The following DSCAML1 variants were observed in gnomAD, a reference collection of about 807,000 sequenced individuals.
The protein encoded by DSCAML1 is cell adhesion molecule DSCAML1.
A neutral mutation model predicts 200.5 loss-of-function variants in DSCAML1; 38 were observed. The ratio of observed to expected loss-of-function variants is 0.19; its 90% confidence interval spans 0.15 to 0.25. DSCAML1 has a LOEUF of 0.25. Ranked by LOEUF, DSCAML1 falls within the 10% of genes least tolerant of loss-of-function variation. DSCAML1 has a pLI of 1.00. For synonymous variants in DSCAML1, 1,215 were observed against 1,165.0 expected (o/e 1.04, Z -0.87); for missense variants, 2,223 against 2,858.8 (o/e 0.78, Z 5.07).
intron 3 of DSCAML1, among the ~76,000 whole-genome samples, chr11:117,746,739 G>T (rs60433629): frequency 1.2e-3 from 177 of 152,258 alleles, no homozygotes; most frequent in African/African-American, 4.0e-3. Flanking sequence ...AACACACAGG[G>T]CTCTGTTACT....
intron 11 of DSCAML1, among the ~76,000 whole-genome samples, chr11:117,501,635 T>A (rs1349466292): frequency 1.3e-5 from 2 of 150,752 alleles, no homozygotes; most frequent in African/African-American, 4.9e-5. Flanking sequence ...ACAGGAGGGG[T>A]GTGAGAAACG....
intron 3 of DSCAML1, among the ~76,000 whole-genome samples, chr11:117,638,601 G>A (rs1356591680): frequency 1.3e-5 from 2 of 152,016 alleles, no homozygotes; most frequent in Non-Finnish European, 1.5e-5. Context: ...TACCAATTCT[G>A]GATACTTTAT....
intron 3 of DSCAML1, among the ~76,000 whole-genome samples, chr11:117,729,993 G>A (rs2054193585): frequency 6.6e-6 from 1 of 152,238 alleles, no homozygotes; most frequent in Non-Finnish European, 1.5e-5. Context: ...GAGGTCAAGA[G>A]ATTGAGACCA....
chr11:117,444,056 A>G lies in DSCAML1; in HGVS notation c.3709-17T>C. On this transcript the variant is annotated splice_polypyrimidine_tract_variant and intron_variant, in intron 20 of 32. Transcript: ENST00000651296. ...GCTGGGAGCCTGCGGGGCAGAGGCAAAGAGGCTCTAAGAAGCAGAACTGGG... is the reference window on the plus strand; with the variant it reads ...GCTGGGAGCCTGCGGGGCAGAGGCAGAGAGGCTCTAAGAAGCAGAACTGGG... 6 of 1,594,294 alleles carry G rather than the reference A, an allele frequency of 3.8e-6. No homozygotes were observed. The highest frequency in any genetic ancestry group is 4.3e-6 in the Non-Finnish European group (5 of 1,166,348).
chr11:117,741,312 T>C (rs1337565541), intron 3 of DSCAML1, among the ~76,000 whole-genome samples: 3 of 152,250 alleles, frequency 2.0e-5, no homozygotes, highest in African/African-American at 4.8e-5. Flanking sequence ...TCCCACTTCA[T>C]TCTCCACATT....
intron 14 of DSCAML1, among the ~76,000 whole-genome samples, chr11:117,478,447 C>T (rs1458889639): frequency 6.6e-6 from 1 of 152,252 alleles, no homozygotes; most frequent in East Asian, 1.9e-4. Flanking sequence ...CCCTTTTGTC[C>T]CCTTTGCCTC....
intron 3 of DSCAML1, among the ~76,000 whole-genome samples, chr11:117,650,835 T>G (rs2052618515): frequency 1.3e-5 from 2 of 152,072 alleles, no homozygotes; most frequent in South Asian, 4.1e-4. Context: ...TGAGATCTGG[T>G]GCTGAGCCCA....
In DSCAML1 at chr11:117,505,883, G is replaced by T; in HGVS notation, c.1784-151C>A. ...AGCCTTGTTCTCCTATGCATGCAGG[G>T]TCTCCTAATGATGCCTGGCTCCTGT... On this transcript the variant is annotated intron_variant, in intron 8 of 32. Transcript: ENST00000651296. The surrounding 1 kb of genome is among the most constrained non-coding windows in gnomAD (Gnocchi z 6.7). The T allele has an allele frequency of 6.4e-6, 6 of 942,300 alleles. No individual in the cohort carries two copies. Among genetic ancestry groups the T allele is most frequent in the Middle Eastern group, 3.3e-4 (1 of 3,076 alleles). The allele number at this position is 942,300 out of a possible 1,614,324, so 58.4% of individuals were successfully genotyped here. A position where few individuals can be genotyped will look rare whatever the true frequency, so the allele number is the denominator to read the frequency against.
chr11:117,812,604 C>T (rs551462428), intron 1 of DSCAML1, among the ~76,000 whole-genome samples: 55 of 152,108 alleles, frequency 3.6e-4, no homozygotes, highest in African/African-American at 1.2e-3. Context: ...CCATCAGGCT[C>T]AGCAAATTAC....
intron 18 of DSCAML1, among the ~76,000 whole-genome samples, chr11:117,460,720 T>C (rs925604991): frequency 1.3e-5 from 2 of 152,116 alleles, no homozygotes; most frequent in African/African-American, 4.8e-5. Flanking sequence ...GTTTGGGCCA[T>C]CTTACTGGTT....
intron 3 of DSCAML1, among the ~76,000 whole-genome samples, chr11:117,763,820 G>A (rs1172778224): frequency 2.0e-5 from 3 of 152,072 alleles, no homozygotes; most frequent in African/African-American, 7.2e-5. Context: ...CTCCCCAGGG[G>A]ACTCTAAATT....
At chr11:117,559,083 T>A (rs1046125681) in intron 3 of DSCAML1, among the ~76,000 whole-genome samples, 1 of 151,880 alleles carries the variant, frequency 6.6e-6, no homozygotes, top group African/African-American at 2.4e-5. Flanking sequence ...ACAGACGTGG[T>A]GGTCTCCTTC....
chr11:117,810,079 TCGCACACACA>T (rs1243264014), intron 1 of DSCAML1, among the ~76,000 whole-genome samples: 1 of 151,974 alleles, frequency 6.6e-6, no homozygotes, highest in African/African-American at 2.4e-5. Flanking sequence ...ACTTACACAT[TCGCACACACA>T]TACACACATT....
chr11:117,681,084 G>A (rs976842895), intron 3 of DSCAML1, among the ~76,000 whole-genome samples: 6 of 152,124 alleles, frequency 3.9e-5, no homozygotes, highest in Non-Finnish European at 8.8e-5. Flanking sequence ...CTAAATATCC[G>A]CCAGCTGTCT....
rs2137064426 is a variant in DSCAML1, at chr11:117,433,232, G to A, written c.4932C>T (p.Thr1644=). Residue 1644 remains threonine, a synonymous_variant, in exon 29 of 33, where the codon ACC becomes ACT. Coordinates refer to ENST00000651296, the MANE Select transcript of DSCAML1 (RefSeq NM_020693.4). ...LISKNNRSFD[T]PVKGPPQGPR... ...GGCCCTGGGGTGGCCCTTTCACAGG[G>A]GTGTCAAAGCTTCTATTGTTCTTGC... The A allele has an allele frequency of 6.2e-7, 1 of 1,612,556 alleles. No individual in the cohort carries two copies. The highest frequency in any genetic ancestry group is 1.1e-5 in the South Asian group (1 of 90,914).
At chr11:117,736,102 G>A (rs767930946) in intron 3 of DSCAML1, among the ~76,000 whole-genome samples, 8 of 152,198 alleles carry the variant, frequency 5.3e-5, no homozygotes, top group Non-Finnish European at 1.2e-4. Flanking sequence ...GCAGCTTAAA[G>A]TGATGTTATA....
intron 21 of DSCAML1, among the ~76,000 whole-genome samples, chr11:117,442,317 A>ATTAGTG (rs1190606386): frequency 7.0e-6 from 1 of 143,098 alleles, no homozygotes; most frequent in African/African-American, 2.7e-5. Flanking sequence ...ATGTGTATGC[A>ATTAGTG]TGTATTAGTG....
rs1460592794 is a variant in DSCAML1, at chr11:117,503,262, A to T, written c.2359+583T>A. ...GAAGCATCCTCCTCTTTCCAAGATC[A>T]GTTCCTGCAGGACTCACAACAATTT... On this transcript the variant is annotated intron_variant, in intron 11 of 32. Transcript: ENST00000651296. This position sits in a 1 kb window ranked among gnomAD's most constrained non-coding sequence, Gnocchi z 5.2. 6.6e-6 allele frequency among the ~76,000 whole-genome samples: 1 copy of T among 152,156 alleles called. No individual in the cohort carries two copies. Among genetic ancestry groups the T allele is most frequent in the Non-Finnish European group, 1.5e-5 (1 of 68,038 alleles).
At chr11:117,694,057 T>TTATTTATATATATATATATATATA (rs2053542443) in intron 3 of DSCAML1, among the ~76,000 whole-genome samples, 3 of 116,636 alleles carry the variant, frequency 2.6e-5, no homozygotes, top group African/African-American at 5.7e-5. Flanking sequence ...GGTTCTATCT[T>TTATTTATATATATATATATATATA]TATATATATA....
Sources: gnomAD v4.1 joint callset for allele counts (sites outside exome capture counted in the v4.1 genomes callset) on GRCh38, gnomAD v4.1.1 for gene constraint, Gnocchi (gnomAD v3.1) non-coding constraint, MANE v1.5 for transcripts, NCBI Gene and HGNC (gene_info 2026-07-23, HGNC 2026-07-21) for gene names.